Variants in ARHGAP5 observed in about 807,000 individuals in gnomAD.
The protein encoded by ARHGAP5 is Rho GTPase activating protein 5, also known as rho GTPase-activating protein 5.
A neutral mutation model predicts 116.6 loss-of-function variants in ARHGAP5; 23 were observed. That is an observed-to-expected ratio of 0.20 (90% CI 0.14 to 0.28). The LOEUF (loss-of-function observed/expected upper bound fraction) is 0.28, where lower values mean the gene tolerates loss of function less well. Among genes scored for constraint, ARHGAP5 ranks in the 10% least tolerant of loss-of-function variants. The probability of loss-of-function intolerance (pLI) is 1.00; values close to 1 mark genes in which losing one functional copy is unlikely to be tolerated. For synonymous variants in ARHGAP5, 574 were observed against 602.0 expected, an observed-to-expected ratio of 0.95 and a Z score of 0.68; for missense variants, 1,405 against 1,774.8, an observed-to-expected ratio of 0.79 and a Z score of 3.74.
intron 1 of ARHGAP5, among the ~76,000 whole-genome samples, chr14:32,088,473 T>C (rs920311873): frequency 2.6e-5 from 4 of 152,002 alleles, no homozygotes; most frequent in African/African-American, 9.6e-5. Context: ...GTTCCATTTC[T>C]ATCACTGTGT....
intron 1 of ARHGAP5, among the ~76,000 whole-genome samples, chr14:32,082,745 G>T (rs2041790136): frequency 6.6e-6 from 1 of 152,160 alleles, no homozygotes; most frequent in African/African-American, 2.4e-5. Flanking sequence ...TCACCATGTT[G>T]GTCGGGCTGG....
At chr14:32,086,523 A>G (rs1352768369) in intron 1 of ARHGAP5, among the ~76,000 whole-genome samples, 1 of 150,686 alleles carries the variant, frequency 6.6e-6, no homozygotes, top group Non-Finnish European at 1.5e-5. Context: ...AAAAACTGAA[A>G]AGTTAAGGAT....
chr14:32,130,630 T>C (rs968538442), intron 3 of ARHGAP5, among the ~76,000 whole-genome samples: 3 of 152,228 alleles, frequency 2.0e-5, no homozygotes, highest in Non-Finnish European at 2.9e-5. Flanking sequence ...AACCTCCGCC[T>C]CCTGGGTTCA....
intron 2 of ARHGAP5, among the ~76,000 whole-genome samples, chr14:32,116,125 A>G (rs1390545961): frequency 2.1e-5 from 3 of 143,866 alleles, no homozygotes. Context: ...CGTCTCTACT[A>G]AAAATACAAA....
At chr14:32,097,702 A>G (rs983638693) in intron 2 of ARHGAP5, among the ~76,000 whole-genome samples, 5 of 152,202 alleles carry the variant, frequency 3.3e-5, no homozygotes, top group Non-Finnish European at 7.4e-5. Flanking sequence ...ATGAGTATCA[A>G]TGTAAAGGCC....
chr14:32,124,878 G>A (rs975110728), intron 3 of ARHGAP5, among the ~76,000 whole-genome samples: 2 of 152,118 alleles, frequency 1.3e-5, no homozygotes, highest in Admixed American at 1.3e-4. Flanking sequence ...GTGGTAGGAA[G>A]AAAAGTTCAC....
intron 3 of ARHGAP5, among the ~76,000 whole-genome samples, chr14:32,128,172 G>T (rs561172103): frequency 4.0e-5 from 6 of 151,744 alleles, no homozygotes; most frequent in African/African-American, 1.5e-4. Context: ...GATGACGGCC[G>T]GGAAGAGGCG....
At chr14:32,125,592 C>T (rs1880112469) in intron 3 of ARHGAP5, among the ~76,000 whole-genome samples, 1 of 152,148 alleles carries the variant, frequency 6.6e-6, no homozygotes, top group Non-Finnish European at 1.5e-5. Flanking sequence ...TACTTCCCAC[C>T]AACAATGTGT....
chr14:32,157,482 C>G lies in ARHGAP5; in HGVS notation c.*2534C>G, dbSNP rs372782800. 2.6e-5 allele frequency: 4 copies of G among 152,274 alleles called. No homozygotes were observed. The highest frequency in any genetic ancestry group is 9.6e-5 in the African/African-American group (4 of 41,518). The allele number at this position is 152,274 out of a possible 1,614,324, so 9.4% of individuals were successfully genotyped here. On this transcript the variant is annotated 3_prime_UTR_variant, in exon 7 of 7. Coordinates refer to ENST00000345122, the MANE Select transcript of ARHGAP5 (RefSeq NM_001030055.2). ...ATCTACACACATGTTGCCATTGTTT[C>G]ATTTAAGGTTCAGTGCTTATAGTTA...
chr14:32,143,202 A>AGTAGTTGTT (rs1555359264), intron 3 of ARHGAP5, among the ~76,000 whole-genome samples: 61 of 145,334 alleles, frequency 4.2e-4, no homozygotes, highest in Admixed American at 1.5e-3. Flanking sequence ...ACATTATTTT[A>AGTAGTTGTT]GTTGTTGTTG....
At position 32,094,168 on chromosome 14, in the gene ARHGAP5, T is replaced by C. The variant is rs1374354969; in HGVS notation, c.3499T>C (p.Tyr1167His). ...AACCTTGTTTAGTAAAGCCAAGTCATACTATAGAAGAACACATTCAGATGC... is the reference window on the plus strand; with the variant it reads ...AACCTTGTTTAGTAAAGCCAAGTCACACTATAGAAGAACACATTCAGATGC... Reference protein sequence around the residue: ...SKTLFSKAKSYYRRTHSDASD... With the variant: ...SKTLFSKAKSHYRRTHSDASD... The change falls in exon 2 of 7, where the codon TAC (tyrosine) becomes CAC (histidine). Residue 1167 changes from tyrosine (Y) to histidine (H), a missense_variant. By Grantham distance (83) the Tyr-to-His change is moderately conservative. Coordinates refer to ENST00000345122, the MANE Select transcript of ARHGAP5 (RefSeq NM_001030055.2). The C allele has an allele frequency of 6.2e-7, 1 of 1,612,996 alleles. No individual in the cohort carries two copies. The highest frequency in any genetic ancestry group is 8.5e-7 in the Non-Finnish European group (1 of 1,179,752).
At chr14:32,130,196 G>A (rs1170374963) in intron 3 of ARHGAP5, among the ~76,000 whole-genome samples, 1 of 149,052 alleles carries the variant, frequency 6.7e-6, no homozygotes, top group Non-Finnish European at 1.5e-5. Context: ...TGAATCCCTT[G>A]CATTCATAAG....
chr14:32,115,431 A>G (rs1348118933), intron 2 of ARHGAP5, among the ~76,000 whole-genome samples: 2 of 152,112 alleles, frequency 1.3e-5, no homozygotes, highest in Non-Finnish European at 2.9e-5. Flanking sequence ...TGGGAGGCCA[A>G]GGCGGGAGGA....
intron 2 of ARHGAP5, among the ~76,000 whole-genome samples, chr14:32,111,839 ATTTTTTTTTTT>A (rs34512246): frequency 2.1e-5 from 2 of 93,176 alleles, no homozygotes; most frequent in Admixed American, 1.3e-4. Flanking sequence ...TTCTTCTTTG[ATTTTTTTTTTT>A]TTTTTTTTTT....
rs1881940651 is a variant in ARHGAP5 at position 32,157,469 on chromosome 14, G to A, written c.*2521G>A. 1 of 152,096 alleles carries A rather than the reference G, an allele frequency of 6.6e-6. No individual in the cohort carries two copies. The highest frequency in any genetic ancestry group is 2.4e-5 in the African/African-American group (1 of 41,390). The allele number at this position is 152,096 out of a possible 1,614,324, so 9.4% of individuals were successfully genotyped here. ...TGAATAAAATTTCATCTACACACATGTTGCCATTGTTTCATTTAAGGTTCA... is the reference window on the plus strand; with the variant it reads ...TGAATAAAATTTCATCTACACACATATTGCCATTGTTTCATTTAAGGTTCA... On this transcript the variant is annotated 3_prime_UTR_variant, in exon 7 of 7. Transcript: ENST00000345122.
rs1878303531 is a variant in ARHGAP5 at position 32,092,446 on chromosome 14, A to G, written c.1777A>G (p.Ile593Val). The G allele has an allele frequency of 2.5e-6, 4 of 1,613,834 alleles. No individual in the cohort carries two copies. Among genetic ancestry groups the G allele is most frequent in the South Asian group, 2.2e-5 (2 of 91,078 alleles). The change falls in exon 2 of 7, where the codon ATA (isoleucine) becomes GTA (valine). Residue 593 changes from isoleucine to valine, a missense_variant. Coordinates refer to ENST00000345122, the MANE Select transcript of ARHGAP5 (RefSeq NM_001030055.2). The surrounding 1 kb of genome is among the most constrained non-coding windows in gnomAD (Gnocchi z 4.1). ...RLRLYHDSTN[I>V]DKVNLFILGK... ...AAGATTATATCACGATAGTACCAAT[A>G]TAGATAAAGTTAACCTTTTTATTTT...
At chr14:32,105,477 GTT>G (rs983630412) in intron 2 of ARHGAP5, among the ~76,000 whole-genome samples, 2 of 145,886 alleles carry the variant, frequency 1.4e-5, no homozygotes, top group African/African-American at 5.1e-5. Flanking sequence ...ATATGCTATT[GTT>G]TTTTTTTTTA....
At chr14:32,102,798 C>T (rs1186281822) in intron 2 of ARHGAP5, among the ~76,000 whole-genome samples, 1 of 152,250 alleles carries the variant, frequency 6.6e-6, no homozygotes, top group Middle Eastern at 3.4e-3. Context: ...ATGTGTTTAA[C>T]TACAATTTAT....
intron 1 of ARHGAP5, among the ~76,000 whole-genome samples, chr14:32,086,358 G>A (rs1252209998): frequency 1.2e-4 from 18 of 152,060 alleles, no homozygotes; most frequent in Admixed American, 1.2e-3. Context: ...AAAAGAATGG[G>A]AAGCTCTGAT....
Sources: gnomAD v4.1 joint callset for allele counts (sites outside exome capture counted in the v4.1 genomes callset) on GRCh38, gnomAD v4.1.1 for gene constraint, Gnocchi (gnomAD v3.1) non-coding constraint, MANE v1.5 for transcripts, NCBI Gene and HGNC (gene_info 2026-07-23, HGNC 2026-07-21) for gene names.